SGCZ: variants seen among roughly 807,000 people sequenced by gnomAD.
SGCZ encodes zeta-sarcoglycan.
Under a neutral mutation model 41.3 loss-of-function variants are expected in SGCZ, and 40 were observed. The observed-to-expected ratio is 0.97, with a 90% CI of 0.75 to 1.26. The LOEUF (loss-of-function observed/expected upper bound fraction) is 1.26, where lower values mean the gene tolerates loss of function less well. SGCZ is among the 50% of genes most tolerant of loss of function. The pLI is 0.00. For missense variants in SGCZ, 552 were observed against 369.8 expected, an observed-to-expected ratio of 1.49 and a Z score of -4.04; for synonymous variants, 206 against 137.5, an observed-to-expected ratio of 1.50 and a Z score of -3.49.
At chr8:14,939,276 C>G (rs1027052649) in intron 1 of SGCZ, among the ~76,000 whole-genome samples, 41 of 152,228 alleles carry the variant, frequency 2.7e-4, no homozygotes, top group African/African-American at 8.9e-4. Context: ...CAGCTAAAGA[C>G]ACTCTGTGTC....
At chr8:14,392,047 G>A (rs1043493579) in intron 2 of SGCZ, among the ~76,000 whole-genome samples, 2 of 152,100 alleles carry the variant, frequency 1.3e-5, no homozygotes, top group Admixed American at 6.6e-5. Context: ...TATGGACACA[G>A]ATCCAAACTA....
At chr8:14,703,763 T>G (rs1352373697) in intron 1 of SGCZ, among the ~76,000 whole-genome samples, 1 of 151,966 alleles carries the variant, frequency 6.6e-6, no homozygotes, top group Non-Finnish European at 1.5e-5. Flanking sequence ...ACACTAAGTT[T>G]GATTGAAGAG....
rs74775837 is a variant in SGCZ, at chr8:14,994,322, G to A, written c.39+243263C>T. 5.9e-5 allele frequency among the ~76,000 whole-genome samples: 9 copies of A among 152,188 alleles called. No individual in the cohort carries two copies. The East Asian group carries it at 1.7e-3, about 29-fold the overall frequency. On this transcript the variant is annotated intron_variant, in intron 1 of 7. Transcript: ENST00000382080. ...GAGGGGGCTGGGCATGGTGGCTCCC[G>A]CCTGTAATCCCAGCACTTTGGGAGG...
chr8:14,824,030 A>G (rs12678018), intron 1 of SGCZ, among the ~76,000 whole-genome samples: 19,210 of 124,630 alleles, frequency 0.15, 1,704 homozygotes, highest in East Asian at 0.38. Context: ...ATCTAAAGGG[A>G]AAAAAAAAGG....
At chr8:15,077,129 T>C (rs1325935137) in intron 1 of SGCZ, among the ~76,000 whole-genome samples, 1 of 152,192 alleles carries the variant, frequency 6.6e-6, no homozygotes, top group East Asian at 1.9e-4. Context: ...CTTTTTTTCA[T>C]GAATAACAGA....
At chr8:14,566,794 G>T (rs142608364) in intron 1 of SGCZ, among the ~76,000 whole-genome samples, 5,623 of 152,308 alleles carry the variant, frequency 0.037, 154 homozygotes, top group Non-Finnish European at 0.059. Flanking sequence ...GCCGGAGCTG[G>T]CTCCCTCAGC....
intron 2 of SGCZ, among the ~76,000 whole-genome samples, chr8:14,496,463 C>T (rs189467767): frequency 6.6e-6 from 1 of 152,214 alleles, no homozygotes; most frequent in East Asian, 1.9e-4. Context: ...TTCCCATACA[C>T]CCATGGGAGT....
In SGCZ at chr8:14,932,107, T is replaced by C. The variant is rs183762458; in HGVS notation, c.39+305478A>G. Among the ~76,000 whole-genome samples the C allele has an allele frequency of 1.3e-4, 20 of 152,130 alleles. No homozygotes were observed. The East Asian group carries it at 2.9e-3, about 22-fold the overall frequency. On this transcript the variant is annotated intron_variant, in intron 1 of 7. Coordinates refer to ENST00000382080, the MANE Select transcript of SGCZ (RefSeq NM_139167.4). ...AATGCTGGAAATAGAATGTGACATA[T>C]AAATTTTACTTTTTGAACTGTAAAA...
intron 2 of SGCZ, among the ~76,000 whole-genome samples, chr8:14,527,280 G>A (rs1020006130): frequency 6.6e-6 from 1 of 152,106 alleles, no homozygotes. Flanking sequence ...TGTAATTCCT[G>A]TTGGGAGCAT....
rs934743722 is a variant in SGCZ at position 15,194,575 on chromosome 8, G to T, written c.39+43010C>A. 1.3e-5 allele frequency among the ~76,000 whole-genome samples: 2 copies of T among 152,088 alleles called. 1 individual carries two copies. Among genetic ancestry groups the T allele is most frequent in the South Asian group, 4.1e-4 (2 of 4,822 alleles). On this transcript the variant is annotated intron_variant, in intron 1 of 7. Transcript: ENST00000382080. ...CCAAGTGGGCCAATGGAATCACGAG[G>T]GTTCTAATAAAGGGGATGCAAGAAG...
intron 5 of SGCZ, among the ~76,000 whole-genome samples, chr8:14,161,679 C>A (rs1037138635): frequency 2.6e-5 from 4 of 152,194 alleles, no homozygotes; most frequent in African/African-American, 9.6e-5. Flanking sequence ...TTATTAAGAT[C>A]ATCTGAAAGT....
At chr8:14,855,156 G>T (rs371761911) in intron 1 of SGCZ, among the ~76,000 whole-genome samples, 1 of 151,804 alleles carries the variant, frequency 6.6e-6, no homozygotes, top group African/African-American at 2.4e-5. Flanking sequence ...GGGCTCAAGC[G>T]ATTCTCATGC....
chr8:14,524,530 A>C (rs1802883018), intron 2 of SGCZ, among the ~76,000 whole-genome samples: 1 of 152,136 alleles, frequency 6.6e-6, no homozygotes, highest in African/African-American at 2.4e-5. Context: ...GTCCTCTACA[A>C]AGGTACGAAG....
At chr8:15,008,969 A>C (rs575102580) in intron 1 of SGCZ, among the ~76,000 whole-genome samples, 1 of 152,166 alleles carries the variant, frequency 6.6e-6, no homozygotes, top group Non-Finnish European at 1.5e-5. Context: ...ACAAGTGCAC[A>C]CAATACTAGG....
At chr8:14,986,933 G>A (rs780705910) in intron 1 of SGCZ, among the ~76,000 whole-genome samples, 13 of 151,938 alleles carry the variant, frequency 8.6e-5, no homozygotes, top group African/African-American at 2.9e-4. Flanking sequence ...AAACGTAATT[G>A]TGGAAAAAAT....
chr8:14,944,126 C>T (rs1177430851), intron 1 of SGCZ, among the ~76,000 whole-genome samples: 2 of 152,120 alleles, frequency 1.3e-5, no homozygotes, highest in Non-Finnish European at 2.9e-5. Flanking sequence ...ATCCTCTCCC[C>T]GCTTCATTCG....
chr8:14,112,487 C>CTATT lies in SGCZ; in HGVS notation c.548-4256_548-4253dup, dbSNP rs1802406161. ...CTAGATCTCAAGGAACAGAAGATTC[C>CTATT]TATTTATTTATGATCTTCAAATTTG... On this transcript the variant is annotated intron_variant, in intron 5 of 7. Coordinates refer to ENST00000382080, the MANE Select transcript of SGCZ (RefSeq NM_139167.4). 2.0e-5 allele frequency among the ~76,000 whole-genome samples: 3 copies of CTATT among 152,136 alleles called. No individual in the cohort carries two copies. The South Asian group carries it at 6.2e-4, about 32-fold the overall frequency.
intron 1 of SGCZ, among the ~76,000 whole-genome samples, chr8:14,969,607 G>C (rs1285313875): frequency 6.6e-6 from 1 of 151,592 alleles, no homozygotes; most frequent in Non-Finnish European, 1.5e-5. Context: ...TTTTGTTTTT[G>C]TTTTGACTTT....
At chr8:14,452,550 T>C (rs529347121) in intron 2 of SGCZ, among the ~76,000 whole-genome samples, 2 of 152,154 alleles carry the variant, frequency 1.3e-5, no homozygotes, top group African/African-American at 2.4e-5. Context: ...GGCATGCATA[T>C]ACTTTTTAAG....
Sources: gnomAD v4.1 joint callset for allele counts (sites outside exome capture counted in the v4.1 genomes callset) on GRCh38, gnomAD v4.1.1 for gene constraint, MANE v1.5 for transcripts, NCBI Gene and HGNC (gene_info 2026-07-23, HGNC 2026-07-21) for gene names.